Variants in VAC14 observed in about 807,000 individuals in gnomAD.
The protein encoded by VAC14 is protein VAC14 homolog.
VAC14 carries 47 observed loss-of-function variants against 85.3 expected under a neutral mutation model. That is an observed-to-expected ratio of 0.55 (90% CI 0.44 to 0.70). The LOEUF is 0.70. Ranked by LOEUF, VAC14 falls within the 30% of genes least tolerant of loss-of-function variation. The pLI, the probability that VAC14 is intolerant of heterozygous loss-of-function variation, is 0.00. For synonymous variants in VAC14, 447 were observed against 430.5 expected, an observed-to-expected ratio of 1.04 and a Z score of -0.47; for missense variants, 861 against 1,004.3, an observed-to-expected ratio of 0.86 and a Z score of 1.93.
intron 1 of VAC14, among the ~76,000 whole-genome samples, chr16:70,796,672 A>G (rs1356071504): frequency 1.3e-5 from 2 of 152,182 alleles, no homozygotes; most frequent in African/African-American, 4.8e-5. Flanking sequence ...TGAGGGGTAT[A>G]CCATGGCCAA....
At chr16:70,691,523 C>T (rs2053595806) in intron 18 of VAC14, 2 of 985,478 alleles carry the variant, frequency 2.0e-6, no homozygotes. Flanking sequence ...ACACATGCGC[C>T]CCCGCTCCAT....
intron 18 of VAC14, chr16:70,691,696 T>G (rs2053599357): frequency 1.0e-6 from 1 of 985,298 alleles, no homozygotes; most frequent in Non-Finnish European, 1.2e-6. Context: ...CGAGCCGGTC[T>G]TGGTTGGGGC....
At chr16:70,692,182 G>A (rs1404682359) in intron 18 of VAC14, 8 of 751,070 alleles carry the variant, frequency 1.1e-5, no homozygotes, top group Non-Finnish European at 1.3e-5. Context: ...GGTGGGAGCC[G>A]GCACTCCTCT....
Position 70,689,439 on chromosome 16 carries a change from A to G in VAC14, c.2187-1349T>C, listed in dbSNP as rs1023630290. On this transcript the variant is annotated intron_variant, in intron 18 of 18. Coordinates refer to ENST00000261776, the MANE Select transcript of VAC14 (RefSeq NM_018052.5). Reference sequence around the variant, plus strand: ...TTGGCCATGAGTTCAGTCCAGCAGGAAGAGTCAACGGCCAGAGCCTGACAG... The same window carrying G: ...TTGGCCATGAGTTCAGTCCAGCAGGGAGAGTCAACGGCCAGAGCCTGACAG... The G allele has an allele frequency of 1.3e-5, 13 of 984,804 alleles. No individual in the cohort carries two copies. The African/African-American group carries it at 1.4e-4, about 11-fold the overall frequency. The allele number at this position is 984,804 out of a possible 1,614,324, so 61.0% of individuals were successfully genotyped here.
At chr16:70,691,268 C>A in intron 18 of VAC14, 1 of 985,404 alleles carries the variant, frequency 1.0e-6, no homozygotes, top group South Asian at 4.7e-5. Context: ...GCTCCCTGGC[C>A]AGGAGGACTC....
At chr16:70,691,550 C>A (rs1340937893) in intron 18 of VAC14, 1 of 985,384 alleles carries the variant, frequency 1.0e-6, no homozygotes, top group Non-Finnish European at 1.2e-6. Flanking sequence ...CCCTGCTCCC[C>A]TGGGGACACT....
intron 13 of VAC14, among the ~76,000 whole-genome samples, chr16:70,739,511 G>T (rs2030047548): frequency 6.6e-6 from 1 of 152,220 alleles, no homozygotes; most frequent in African/African-American, 2.4e-5. Context: ...CCTCCCCTCT[G>T]GCTGTGGAAG....
rs76135772 is a variant in VAC14 at position 70,717,175 on chromosome 16, A to C, written c.1661+14320T>G. Reference sequence around the variant, plus strand: ...GTGGGCACCCGACCCTTTTCAGGGCAATCAGCACCAGCGCACTCTGGCCAC... The same window carrying C: ...GTGGGCACCCGACCCTTTTCAGGGCCATCAGCACCAGCGCACTCTGGCCAC... On this transcript the variant is annotated intron_variant, in intron 14 of 18. Coordinates refer to ENST00000261776, the MANE Select transcript of VAC14 (RefSeq NM_018052.5). 3.9e-5 allele frequency among the ~76,000 whole-genome samples: 6 copies of C among 152,356 alleles called. No homozygotes were observed. In the East Asian group the frequency reaches 1.2e-3, roughly 29 times the overall value.
At chr16:70,771,921 G>A (rs2033250793) in intron 10 of VAC14, 188 bp downstream of exon 10, 4 of 591,648 alleles carry the variant, frequency 6.8e-6, no homozygotes, top group South Asian at 6.1e-5. Context: ...CATCAAGCCT[G>A]GGTGGGGTGG....
chr16:70,737,406 C>T lies in VAC14; in HGVS notation c.1529-5779G>A, dbSNP rs192231788. Reference sequence around the variant, plus strand: ...GCGAGGGAGAGGGGGGCCCACAACCCGGCTGTGTGTCTCGGGAGACAGGCT... The same window carrying T: ...GCGAGGGAGAGGGGGGCCCACAACCTGGCTGTGTGTCTCGGGAGACAGGCT... On this transcript the variant is annotated intron_variant, in intron 13 of 18. Transcript: ENST00000261776. 4.4e-4 allele frequency among the ~76,000 whole-genome samples: 67 copies of T among 152,324 alleles called. No individual in the cohort carries two copies. The East Asian group carries it at 7.7e-3, about 18-fold the overall frequency.
At chr16:70,693,703 GT>G (rs2053646838) in intron 17 of VAC14, among the ~76,000 whole-genome samples, 1 of 152,236 alleles carries the variant, frequency 6.6e-6, no homozygotes, top group Admixed American at 6.5e-5. Context: ...CACAGGGGAG[GT>G]GGGATTGGAA....
intron 10 of VAC14, among the ~76,000 whole-genome samples, chr16:70,766,948 A>T (rs975353323): frequency 2.6e-5 from 4 of 152,174 alleles, no homozygotes; most frequent in African/African-American, 9.7e-5. Flanking sequence ...CCGGAGCCTG[A>T]GAGGTAGCAC....
chr16:70,697,721 C>T (rs918098023), intron 15 of VAC14, among the ~76,000 whole-genome samples: 8 of 152,206 alleles, frequency 5.3e-5, no homozygotes, highest in African/African-American at 1.9e-4. Flanking sequence ...GAACCCAGCC[C>T]ACACTTGGGG....
intron 10 of VAC14, among the ~76,000 whole-genome samples, chr16:70,763,500 A>G (rs1443908034): frequency 6.6e-6 from 1 of 152,216 alleles, no homozygotes. Context: ...AGGTCCCGAT[A>G]ACAACTGTTG....
rs927503028 is a variant in VAC14 at position 70,697,058 on chromosome 16, G to A, written c.1955+81C>T. ...GGACAGGAGCATGGCACTTGGGCCC[G>A]CCTGTTGGGTGGAAAGGGGGCAGCC... is the stretch of plus-strand genomic sequence containing the variant. On this transcript the variant is annotated intron_variant, in intron 16 of 18. Transcript: ENST00000261776. 45 of 1,202,926 alleles carry A rather than the reference G, an allele frequency of 3.7e-5. 1 individual carries two copies. Among genetic ancestry groups the A allele is most frequent in the South Asian group, 2.6e-4 (20 of 78,170 alleles). The allele number at this position is 1,202,926 out of a possible 1,614,324, so 74.5% of individuals were successfully genotyped here.
At chr16:70,799,131 C>T (rs1052121219) in intron 1 of VAC14, among the ~76,000 whole-genome samples, 2 of 152,128 alleles carry the variant, frequency 1.3e-5, no homozygotes, top group African/African-American at 2.4e-5. Context: ...ACTCAACAGA[C>T]GACTCAAGCT....
chr16:70,785,571 T>C (rs1050424141), intron 3 of VAC14, 131 bp downstream of exon 3: 2 of 1,071,186 alleles, frequency 1.9e-6, no homozygotes, highest in African/African-American at 1.6e-5. Context: ...CAACAGACAG[T>C]AAGTGTCCCT....
At chr16:70,756,034 C>A (rs1025922563) in intron 12 of VAC14, 1 of 456,772 alleles carries the variant, frequency 2.2e-6, no homozygotes. Flanking sequence ...GCCCTGGGAC[C>A]CAGCTGGCCA....
At position 70,691,310 on chromosome 16, in the gene VAC14, C is replaced by CT. The variant is rs1356310258; in HGVS notation, c.2186+1510dup. 9.1e-6 allele frequency: 9 copies of CT among 985,332 alleles called. No individual in the cohort carries two copies. In the African/African-American group the frequency reaches 1.4e-4, roughly 15 times the overall value. The allele number at this position is 985,332 out of a possible 1,614,324, so 61.0% of individuals were successfully genotyped here. On this transcript the variant is annotated intron_variant, in intron 18 of 18. Coordinates refer to ENST00000261776, the MANE Select transcript of VAC14 (RefSeq NM_018052.5). ...AGGCAGGCTGGTTCCCACAGGGAGACTGGAGGTCACAGGGAAGCAGCCCTT... is the reference window on the plus strand; with the variant it reads ...AGGCAGGCTGGTTCCCACAGGGAGACTTGGAGGTCACAGGGAAGCAGCCCTT...
Sources: allele counts gnomAD v4.1 joint callset (sites outside exome capture counted in the v4.1 genomes callset), GRCh38; gene constraint gnomAD v4.1.1; transcripts MANE v1.5; gene names NCBI Gene and HGNC (gene_info 2026-07-23, HGNC 2026-07-21).